HAVCR2: variants seen among roughly 807,000 people sequenced by gnomAD.
The protein encoded by HAVCR2 is hepatitis A virus cellular receptor 2, also known as T cell immunoglobulin mucin 3.
HAVCR2 carries 13 observed loss-of-function variants against 24.7 expected under a neutral mutation model. The ratio of observed to expected loss-of-function variants is 0.53; its 90% CI spans 0.34 to 0.84. The LOEUF is 0.84. Ranked by LOEUF, HAVCR2 falls within the 40% of genes least tolerant of loss-of-function variation. HAVCR2 has a pLI of 0.01. For missense variants in HAVCR2, 343 were observed against 371.2 expected (o/e 0.92, Z 0.62); for synonymous variants, 154 against 143.4 (o/e 1.07, Z -0.53).
chr5:157,106,732 T>C lies in HAVCR2; in HGVS notation c.289A>G (p.Ile97Val). 6.2e-7 allele frequency: 1 copy of C among 1,614,224 alleles called. No homozygotes were observed. Among genetic ancestry groups the C allele is most frequent in the South Asian group, 1.1e-5 (1 of 91,092 alleles). The change falls in exon 2 of 7, where the codon ATA becomes GTA. Residue 97 changes from isoleucine to valine, a missense_variant. Coordinates refer to ENST00000307851, the MANE Select transcript of HAVCR2 (RefSeq NM_032782.5). ...CTGTCTGCTAGAGTCACATTCTCTA[T>C]GGTCAGGGACACATCTCCTTTGCGG... The part of the protein sequence containing the change: ...DFRKGDVSLT[I>V]ENVTLADSGI...
At chr5:157,107,682 C>T (rs1703121994) in intron 1 of HAVCR2, among the ~76,000 whole-genome samples, 1 of 152,082 alleles carries the variant, frequency 6.6e-6, no homozygotes, top group South Asian at 2.1e-4. Flanking sequence ...GGCTGCATAC[C>T]TCCCCCATAT....
chr5:157,104,333 C>G (rs1423146068), intron 3 of HAVCR2, among the ~76,000 whole-genome samples: 1 of 152,198 alleles, frequency 6.6e-6, no homozygotes, highest in African/African-American at 2.4e-5. Context: ...CAGTTCATGA[C>G]CAAACATCAC....
At chr5:157,099,782 A>G (rs544787648) in intron 3 of HAVCR2, among the ~76,000 whole-genome samples, 1 of 151,916 alleles carries the variant, frequency 6.6e-6, no homozygotes, top group Non-Finnish European at 1.5e-5. Flanking sequence ...TGCAACCTCC[A>G]TCTCCTGAGT....
chr5:157,102,512 A>G, intron 3 of HAVCR2, among the ~76,000 whole-genome samples: 1 of 152,174 alleles, frequency 6.6e-6, no homozygotes, highest in Non-Finnish European at 1.5e-5. Context: ...CCTATTTAGG[A>G]GCTACTGACC....
At chr5:157,092,138 TTATATATA>T (rs56964780) in intron 5 of HAVCR2, among the ~76,000 whole-genome samples, 5,939 of 146,138 alleles carry the variant, frequency 0.041, 278 homozygotes, top group African/African-American at 0.12. Context: ...TATGGTCATA[TTATATATA>T]TATATATATA....
intron 5 of HAVCR2, among the ~76,000 whole-genome samples, chr5:157,089,921 G>A (rs1052937456): frequency 2.0e-5 from 3 of 152,082 alleles, no homozygotes; most frequent in African/African-American, 7.2e-5. Context: ...AGATTTCCTT[G>A]AAGGGCAGAG....
chr5:157,104,126 A>G (rs764349297), intron 3 of HAVCR2, among the ~76,000 whole-genome samples: 3 of 152,214 alleles, frequency 2.0e-5, no homozygotes, highest in Non-Finnish European at 4.4e-5. Context: ...CTTCATGATC[A>G]ATGTGACTTG....
At chr5:157,102,271 G>A (rs1757178463) in intron 3 of HAVCR2, among the ~76,000 whole-genome samples, 1 of 151,160 alleles carries the variant, frequency 6.6e-6, no homozygotes. Context: ...ATGGGGTTTT[G>A]CCATGTTGCC....
intron 3 of HAVCR2, among the ~76,000 whole-genome samples, chr5:157,100,693 A>T (rs1393968953): frequency 6.6e-6 from 1 of 152,246 alleles, no homozygotes; most frequent in African/African-American, 2.4e-5. Flanking sequence ...CTGGTTTAGC[A>T]AACTATAGTT....
Position 157,109,042 on chromosome 5 carries a change from A to G in HAVCR2, c.-59T>C, listed in dbSNP as rs980270904. ...TGTTAGGCACAGTTTTAACTCTCCA[A>G]ATGGACTGGGTACTTCTTCCAACTG... On this transcript the variant is annotated 5_prime_UTR_variant, in exon 1 of 7. Coordinates refer to ENST00000307851, the MANE Select transcript of HAVCR2 (RefSeq NM_032782.5). 12 of 1,493,308 alleles carry G rather than the reference A, an allele frequency of 8.0e-6. No individual in the cohort carries two copies. Among genetic ancestry groups the G allele is most frequent in the Admixed American group, 3.4e-5 (2 of 59,238 alleles). The allele number at this position is 1,493,308 out of a possible 1,614,324, so 92.5% of individuals were successfully genotyped here. A position where few individuals can be genotyped will look rare whatever the true frequency, so the allele number is the denominator to read the frequency against.
intron 4 of HAVCR2, among the ~76,000 whole-genome samples, chr5:157,098,532 T>C (rs1757125862): frequency 6.6e-6 from 1 of 152,182 alleles, no homozygotes; most frequent in Non-Finnish European, 1.5e-5. Flanking sequence ...AATGGTATTC[T>C]AGGGAGATGA....
intron 2 of HAVCR2, chr5:157,104,961 T>A (rs1243649452): frequency 3.1e-6 from 1 of 325,784 alleles, no homozygotes; most frequent in Non-Finnish European, 5.6e-6. Context: ...ATTGTTACAT[T>A]CTGATTATTA....
chr5:157,087,765 G>T (rs184656397), intron 6 of HAVCR2, among the ~76,000 whole-genome samples: 1 of 152,020 alleles, frequency 6.6e-6, no homozygotes, highest in East Asian at 1.9e-4. Context: ...ATTAGCCAGC[G>T]TGGTGGCATG....
intron 4 of HAVCR2, among the ~76,000 whole-genome samples, chr5:157,096,516 C>T (rs542605549): frequency 6.0e-4 from 92 of 152,186 alleles, no homozygotes; most frequent in Non-Finnish European, 9.7e-4. Flanking sequence ...CGGTGGCTCA[C>T]GCCTGTAGTC....
At chr5:157,105,065 ATT>A (rs3048394) in intron 2 of HAVCR2, 124,557 of 154,116 alleles carry the variant, frequency 0.81, 50,260 homozygotes, top group East Asian at 0.97. Context: ...TAGATTTTGA[ATT>A]TTTTTTTTTT....
intron 3 of HAVCR2, among the ~76,000 whole-genome samples, chr5:157,102,687 C>T (rs1044413751): frequency 1.3e-5 from 2 of 151,998 alleles, no homozygotes; most frequent in African/African-American, 2.4e-5. Context: ...GTAATCCCAG[C>T]GCTTTGGGAG....
intron 5 of HAVCR2, among the ~76,000 whole-genome samples, chr5:157,091,555 T>G (rs1462225741): frequency 6.6e-6 from 1 of 151,970 alleles, no homozygotes; most frequent in Non-Finnish European, 1.5e-5. Flanking sequence ...AACTAGATGA[T>G]GGTGGGTCAA....
At chr5:157,095,640 C>A (rs929081529) in intron 4 of HAVCR2, among the ~76,000 whole-genome samples, 181 bp from the exon 5 acceptor site, 3 of 150,408 alleles carry the variant, frequency 2.0e-5, no homozygotes, top group Non-Finnish European at 1.5e-5. Flanking sequence ...AAGGGTCTCC[C>A]TTAACCTTTG....
intron 5 of HAVCR2, among the ~76,000 whole-genome samples, chr5:157,089,690 G>A (rs1228275041): frequency 1.3e-5 from 2 of 152,130 alleles, no homozygotes; most frequent in Non-Finnish European, 2.9e-5. Context: ...CTTTAAGCTC[G>A]TTTCTGAAAT....
Sources: gnomAD v4.1 joint callset for allele counts (sites outside exome capture counted in the v4.1 genomes callset) on GRCh38, gnomAD v4.1.1 for gene constraint, MANE v1.5 for transcripts, NCBI Gene and HGNC (gene_info 2026-07-23, HGNC 2026-07-21) for gene names.